PALM2AKAP2: variants seen among roughly 807,000 people sequenced by gnomAD.
PALM2AKAP2 encodes PALM2-AKAP2 fusion protein.
Under a neutral mutation model 71.5 loss-of-function variants are expected in PALM2AKAP2, and 37 were observed. The ratio of observed to expected loss-of-function variants is 0.52; its 90% confidence interval spans 0.40 to 0.68. PALM2AKAP2 has a LOEUF of 0.68. PALM2AKAP2 is among the 30% of genes least tolerant of loss of function. The probability of loss-of-function intolerance (pLI) is 0.00; values close to 1 mark genes in which losing one functional copy is unlikely to be tolerated. For synonymous variants in PALM2AKAP2, 468 were observed against 478.8 expected, an observed-to-expected ratio of 0.98 and a Z score of 0.29; for missense variants, 1,224 against 1,191.8, an observed-to-expected ratio of 1.03 and a Z score of -0.40.
exon 2 of PALM2AKAP2, chr9:110,138,265 C>G (rs771598917): frequency 4.3e-6 from 7 of 1,614,178 alleles, no homozygotes; most frequent in South Asian, 3.3e-5. Context: ...AGACCAGGCC[C>G]GAAGGAAGCT....
At chr9:109,854,790 T>TTA (rs1296261657) in intron 1 of PALM2AKAP2, among the ~76,000 whole-genome samples, 1 of 145,766 alleles carries the variant, frequency 6.9e-6, no homozygotes, top group Non-Finnish European at 1.5e-5. Context: ...TTTTTTTTTT[T>TTA]AGATGGAGTC....
At chr9:109,995,609 G>A (rs145434536) in intron 6 of PALM2AKAP2, among the ~76,000 whole-genome samples, 68 of 152,262 alleles carry the variant, frequency 4.5e-4, no homozygotes, top group Non-Finnish European at 6.5e-4. Flanking sequence ...CATGTGCAGG[G>A]GAACTCCTCT....
chr9:109,982,734 C>T (rs1451238945), intron 6 of PALM2AKAP2, among the ~76,000 whole-genome samples: 1 of 152,174 alleles, frequency 6.6e-6, no homozygotes, highest in African/African-American at 2.4e-5. Flanking sequence ...AAGAGATTCA[C>T]CAGCTTCAGC....
chr9:109,676,607 G>A (rs1827652438), intron 1 of PALM2AKAP2, among the ~76,000 whole-genome samples: 1 of 152,156 alleles, frequency 6.6e-6, no homozygotes, highest in South Asian at 2.1e-4. Context: ...TGGAAAACAT[G>A]TCATAGTTGA....
At chr9:109,847,484 G>A (rs948160047) in intron 1 of PALM2AKAP2, among the ~76,000 whole-genome samples, 1 of 152,218 alleles carries the variant, frequency 6.6e-6, no homozygotes, top group African/African-American at 2.4e-5. Flanking sequence ...GCTCACGCCT[G>A]TAATCCCAGC....
At chr9:109,862,422 A>T (rs931829540) in intron 1 of PALM2AKAP2, among the ~76,000 whole-genome samples, 2 of 152,274 alleles carry the variant, frequency 1.3e-5, no homozygotes, top group East Asian at 3.9e-4. Flanking sequence ...TTCAATGTAG[A>T]TGCATTTCTT....
At chr9:109,741,621 G>A (rs570052526) in intron 1 of PALM2AKAP2, among the ~76,000 whole-genome samples, 1 of 152,156 alleles carries the variant, frequency 6.6e-6, no homozygotes, top group Non-Finnish European at 1.5e-5. Context: ...ACTGACATTT[G>A]GTTATGTCTG....
At chr9:110,028,442 C>CT (rs1833219708) in intron 7 of PALM2AKAP2, among the ~76,000 whole-genome samples, 1 of 152,204 alleles carries the variant, frequency 6.6e-6, no homozygotes, top group Non-Finnish European at 1.5e-5. Flanking sequence ...GAGCTGAGTA[C>CT]TGTGCTACAC....
intron 1 of PALM2AKAP2, among the ~76,000 whole-genome samples, chr9:110,049,830 T>C (rs1833675863): frequency 6.6e-6 from 1 of 151,906 alleles, no homozygotes; most frequent in African/African-American, 2.4e-5. Context: ...GGTGGCCGGG[T>C]GAGGACTGAA....
At chr9:110,152,247 A>AAG (rs1223038723) in intron 2 of PALM2AKAP2, among the ~76,000 whole-genome samples, 1 of 151,308 alleles carries the variant, frequency 6.6e-6, no homozygotes, top group Non-Finnish European at 1.5e-5. Flanking sequence ...AATGAAAGAA[A>AAG]AAAAAGTGTT....
chr9:109,683,921 T>C (rs1249950526), intron 1 of PALM2AKAP2, among the ~76,000 whole-genome samples: 4 of 152,134 alleles, frequency 2.6e-5, no homozygotes, highest in Admixed American at 2.6e-4. Flanking sequence ...ATGATCCCCA[T>C]TTTACAGTTG....
chr9:110,142,573 C>G (rs1306129931), intron 2 of PALM2AKAP2, among the ~76,000 whole-genome samples: 1 of 152,142 alleles, frequency 6.6e-6, no homozygotes, highest in African/African-American at 2.4e-5. Context: ...CCTGTAGGAG[C>G]ACAAACAAGG....
intron 1 of PALM2AKAP2, among the ~76,000 whole-genome samples, chr9:109,673,785 G>A (rs188815966): frequency 2.0e-5 from 3 of 152,056 alleles, no homozygotes; most frequent in Admixed American, 2.0e-4. Flanking sequence ...GTGCTCTTGT[G>A]TTGGGTGAAT....
At chr9:110,137,045 G>A in exon 2 of PALM2AKAP2, 7 of 1,614,130 alleles carry the variant, frequency 4.3e-6, no homozygotes, top group Non-Finnish European at 5.9e-6. Context: ...GGAGCGCAAA[G>A]AGAGAAGGGC....
chr9:109,741,771 C>T (rs534210482), intron 1 of PALM2AKAP2, among the ~76,000 whole-genome samples: 3 of 152,320 alleles, frequency 2.0e-5, no homozygotes, highest in African/African-American at 7.2e-5. Flanking sequence ...TAAGATCCAT[C>T]TTAAATTAAT....
chr9:110,161,101 CTCTT>C (rs1158543768), intron 3 of PALM2AKAP2, among the ~76,000 whole-genome samples: 1 of 152,190 alleles, frequency 6.6e-6, no homozygotes, highest in Non-Finnish European at 1.5e-5. Flanking sequence ...CCCTAACTCT[CTCTT>C]ACGTTCTCAC....
chr9:109,770,716 T>C (rs1388831031), intron 1 of PALM2AKAP2, among the ~76,000 whole-genome samples: 1 of 152,136 alleles, frequency 6.6e-6, no homozygotes, highest in Non-Finnish European at 1.5e-5. Flanking sequence ...GGGCTGAACA[T>C]GCCACTCAGG....
In PALM2AKAP2 at chr9:110,076,492, C is replaced by CATATATATATATAT. The variant is rs149836822; in HGVS notation, c.156+27643_156+27656dup. On this transcript the variant is annotated intron_variant, in intron 1 of 3. Transcript: ENST00000374525. ...ATATAGGTATATCATATATATTCTACATATATATATATATATATAGGTATA... is the reference window on the plus strand; with the variant it reads ...ATATAGGTATATCATATATATTCTACATATATATATATATATATATATATATATATATAGGTATA... Among the ~76,000 whole-genome samples the CATATATATATATAT allele has an allele frequency of 5.4e-3, 574 of 106,708 alleles. 65 individuals carry two copies. The highest frequency in any genetic ancestry group is 0.021 in the African/African-American group (473 of 22,222). 70.0% of individuals were successfully genotyped at this position (106,708 alleles called of 152,430 possible). A position where few individuals can be genotyped will look rare whatever the true frequency, so the allele number is the denominator to read the frequency against.
At chr9:110,031,388 C>T (rs746902766) in intron 7 of PALM2AKAP2, among the ~76,000 whole-genome samples, 72 of 152,144 alleles carry the variant, frequency 4.7e-4, no homozygotes, top group Non-Finnish European at 9.4e-4. Context: ...CCTCAGCTTC[C>T]CAATGTGCTG....
Sources: gnomAD v4.1 joint callset for allele counts (sites outside exome capture counted in the v4.1 genomes callset) on GRCh38, gnomAD v4.1.1 for gene constraint, MANE v1.5 for transcripts, NCBI Gene and HGNC (gene_info 2026-07-23, HGNC 2026-07-21) for gene names.